ABTB3: variants seen among roughly 807,000 people sequenced by gnomAD.
ABTB3 encodes ankyrin repeat and BTB domain containing 3.
chr12:107,320,429 G>A, the ABTB3 span, among the ~76,000 whole-genome samples: 1 of 152,258 alleles, frequency 6.6e-6, no homozygotes, highest in Non-Finnish European at 1.5e-5. Context: ...CCCCTGCACT[G>A]TTTGTTTTGA....
the ABTB3 span, among the ~76,000 whole-genome samples, chr12:107,595,882 ATAT>A: frequency 6.2e-3 from 946 of 152,232 alleles, 8 homozygotes; most frequent in Middle Eastern, 0.021. Context: ...GCATTCACAT[ATAT>A]TATTTCACAT....
At chr12:107,328,630 C>G in the ABTB3 span, among the ~76,000 whole-genome samples, 4 of 152,222 alleles carry the variant, frequency 2.6e-5, no homozygotes, top group Non-Finnish European at 4.4e-5. Flanking sequence ...TCTCCACACT[C>G]TTCTTGTGAA....
chr12:107,407,723 A>T, the ABTB3 span, among the ~76,000 whole-genome samples: 1 of 152,192 alleles, frequency 6.6e-6, no homozygotes, highest in Non-Finnish European at 1.5e-5. Flanking sequence ...GCCAGGGCTG[A>T]AGAGTTGGGA....
the ABTB3 span, among the ~76,000 whole-genome samples, chr12:107,629,573 T>C: frequency 6.6e-6 from 1 of 152,134 alleles, no homozygotes; most frequent in Non-Finnish European, 1.5e-5. Context: ...GCCAGTAACA[T>C]GCACTAACCG....
chr12:107,443,072 C>T, the ABTB3 span, among the ~76,000 whole-genome samples: 1 of 152,056 alleles, frequency 6.6e-6, no homozygotes, highest in Non-Finnish European at 1.5e-5. Context: ...ATCCTCATGA[C>T]CTAATTACCT....
At chr12:107,482,855 T>C in the ABTB3 span, among the ~76,000 whole-genome samples, 1 of 151,636 alleles carries the variant, frequency 6.6e-6, no homozygotes, top group African/African-American at 2.4e-5. Context: ...TTTCTTCTCT[T>C]GTTCTCTCTC....
At chr12:107,573,684 C>A in the ABTB3 span, among the ~76,000 whole-genome samples, 5 of 152,288 alleles carry the variant, frequency 3.3e-5, no homozygotes, top group East Asian at 1.9e-4. Context: ...TCAAAATCTG[C>A]AGGATAGGTC....
At chr12:107,465,985 G>T in the ABTB3 span, among the ~76,000 whole-genome samples, 1 of 152,182 alleles carries the variant, frequency 6.6e-6, no homozygotes. Context: ...CGTGCTAGAG[G>T]CTGAGGACAG....
At chr12:107,359,595 C>T in the ABTB3 span, among the ~76,000 whole-genome samples, 4 of 151,934 alleles carry the variant, frequency 2.6e-5, no homozygotes, top group African/African-American at 9.7e-5. Context: ...CCAGGCAGCC[C>T]GAGTGTTATT....
At chr12:107,493,594 A>G in the ABTB3 span, among the ~76,000 whole-genome samples, 21 of 152,272 alleles carry the variant, frequency 1.4e-4, no homozygotes, top group Admixed American at 6.5e-4. Flanking sequence ...GTACCTGCCA[A>G]AATTCATATG....
the ABTB3 span, among the ~76,000 whole-genome samples, chr12:107,638,443 C>A: frequency 1.3e-5 from 2 of 152,132 alleles, no homozygotes; most frequent in African/African-American, 4.8e-5. Context: ...GTCCTGCCCT[C>A]AATAGTTTAG....
At chr12:107,562,492 A>G in the ABTB3 span, among the ~76,000 whole-genome samples, 1 of 152,238 alleles carries the variant, frequency 6.6e-6, no homozygotes, top group Non-Finnish European at 1.5e-5. Flanking sequence ...TTCTTGGCAC[A>G]TGCCAGGACC....
the ABTB3 span, among the ~76,000 whole-genome samples, chr12:107,565,670 C>T: frequency 3.9e-5 from 6 of 152,292 alleles, no homozygotes; most frequent in South Asian, 1.0e-3. Context: ...CTTCCTTGGT[C>T]GTGAGCTTTA....
the ABTB3 span, among the ~76,000 whole-genome samples, chr12:107,488,540 A>T: frequency 1.3e-5 from 2 of 151,758 alleles, no homozygotes; most frequent in African/African-American, 4.9e-5. Flanking sequence ...GTTGTGTTAC[A>T]TTGCATAGAA....
chr12:107,362,394 CA>C, the ABTB3 span, among the ~76,000 whole-genome samples: 1 of 152,198 alleles, frequency 6.6e-6, no homozygotes, highest in African/African-American at 2.4e-5. Context: ...TCCATCTCCC[CA>C]GGGAAGACGT....
chr12:107,456,270 C>T, the ABTB3 span, among the ~76,000 whole-genome samples: 5 of 152,200 alleles, frequency 3.3e-5, no homozygotes, highest in African/African-American at 4.8e-5. Context: ...GAGCTATGGG[C>T]TTGTACTGGT....
chr12:107,347,531 C>A, the ABTB3 span, among the ~76,000 whole-genome samples: 5 of 152,108 alleles, frequency 3.3e-5, no homozygotes, highest in Non-Finnish European at 5.9e-5. Flanking sequence ...TTTCGACCCC[C>A]CTCTTTCTAC....
the ABTB3 span, among the ~76,000 whole-genome samples, chr12:107,546,735 C>T: frequency 2.0e-5 from 3 of 151,970 alleles, no homozygotes; most frequent in South Asian, 6.2e-4. Flanking sequence ...TGTGGTGGCA[C>T]ACACCTGTAG....
the ABTB3 span, among the ~76,000 whole-genome samples, chr12:107,559,085 G>A: frequency 6.6e-6 from 1 of 152,212 alleles, no homozygotes; most frequent in Non-Finnish European, 1.5e-5. Flanking sequence ...GGCACAGAGT[G>A]GGTGGGGAAG....
Sources: allele counts gnomAD v4.1 joint callset (sites outside exome capture counted in the v4.1 genomes callset), GRCh38; gene constraint gnomAD v4.1.1; transcripts MANE v1.5; gene names NCBI Gene and HGNC (gene_info 2026-07-23, HGNC 2026-07-21).